The following CDH12 variants were observed in gnomAD, a reference collection of about 807,000 sequenced individuals.
The protein encoded by CDH12 is cadherin 12.
Under a neutral mutation model 74.1 loss-of-function variants are expected in CDH12, and 41 were observed. That is an observed-to-expected ratio of 0.55 (90% CI 0.43 to 0.72). CDH12 has a LOEUF of 0.72. CDH12 is among the 30% of genes least tolerant of loss of function. The pLI, the probability that CDH12 is intolerant of heterozygous loss-of-function variation, is 0.00. For missense variants in CDH12, 945 were observed against 977.2 expected, an observed-to-expected ratio of 0.97 and a Z score of 0.44; for synonymous variants, 399 against 355.0, an observed-to-expected ratio of 1.12 and a Z score of -1.39.
At chr5:22,422,700 CAAATTT>C (rs1743707646) in intron 2 of CDH12, among the ~76,000 whole-genome samples, 1 of 152,038 alleles carries the variant, frequency 6.6e-6, no homozygotes, top group Non-Finnish European at 1.5e-5. Context: ...GCCAAAAGCT[CAAATTT>C]TGTCATTGGC....
Position 21,999,775 on chromosome 5 carries a change from G to C in CDH12, c.232-24390C>G, listed in dbSNP as rs575894272. 3.1e-4 allele frequency among the ~76,000 whole-genome samples: 47 copies of C among 150,970 alleles called. No individual in the cohort carries two copies. The South Asian group carries it at 5.5e-3, about 18-fold the overall frequency. On this transcript the variant is annotated intron_variant, in intron 5 of 14. Coordinates refer to ENST00000382254, the MANE Select transcript of CDH12 (RefSeq NM_004061.5). ...AGTTTTATTTTTTAGAATTTATTTT[G>C]TATCTCTAGGTGGATATAATGTAGA...
chr5:22,299,214 C>A (rs1737759924), intron 3 of CDH12, among the ~76,000 whole-genome samples: 1 of 152,028 alleles, frequency 6.6e-6, no homozygotes, highest in South Asian at 2.1e-4. Flanking sequence ...AGTAAGGAAC[C>A]CAATGTAGTT....
chr5:22,578,773 T>C (rs914435813), intron 1 of CDH12, among the ~76,000 whole-genome samples: 1 of 152,124 alleles, frequency 6.6e-6, no homozygotes, highest in Non-Finnish European at 1.5e-5. Flanking sequence ...AAATATTGCC[T>C]GAATATGCGT....
rs117158551 is a variant in CDH12 at position 22,277,548 on chromosome 5, A to G, written c.-332-64905T>C. On this transcript the variant is annotated intron_variant, in intron 3 of 14. Transcript: ENST00000382254. ...CGTATGTTCTGATTAAAAAAAAACA[A>G]CAGGCCAGGCATGGTGGCTCACACC... is the stretch of plus-strand genomic sequence containing the variant. Among the ~76,000 whole-genome samples the G allele has an allele frequency of 2.2e-4, 33 of 152,164 alleles. 1 individual carries two copies. The East Asian group carries it at 5.6e-3, about 26-fold the overall frequency.
chr5:22,535,051 A>C (rs1461580596), intron 1 of CDH12, among the ~76,000 whole-genome samples: 16 of 147,446 alleles, frequency 1.1e-4, no homozygotes, highest in African/African-American at 7.5e-5. Context: ...CGCTCACTGC[A>C]AGCTTCGCCT....
chr5:22,012,111 T>C (rs1186980682), intron 5 of CDH12, among the ~76,000 whole-genome samples: 1 of 147,632 alleles, frequency 6.8e-6, no homozygotes, highest in African/African-American at 2.6e-5. Context: ...TTTTCTTTAA[T>C]TATTAACGAT....
At chr5:22,713,911 T>C (rs1561596814) in intron 1 of CDH12, among the ~76,000 whole-genome samples, 1 of 152,234 alleles carries the variant, frequency 6.6e-6, no homozygotes, top group Non-Finnish European at 1.5e-5. Flanking sequence ...AAAGTTATAC[T>C]ATATTCCCAT....
intron 11 of CDH12, among the ~76,000 whole-genome samples, chr5:21,777,545 C>A (rs1745660334): frequency 1.4e-5 from 2 of 146,198 alleles, no homozygotes; most frequent in Admixed American, 1.4e-4. Context: ...TTTTTTGAGA[C>A]AGAGTCTCAC....
At chr5:22,062,143 T>G (rs1050060287) in intron 5 of CDH12, among the ~76,000 whole-genome samples, 2 of 152,138 alleles carry the variant, frequency 1.3e-5, no homozygotes, top group Admixed American at 1.3e-4. Context: ...ATATATTGAT[T>G]TAAAGATAGT....
At chr5:22,099,563 A>C (rs1251618499) in intron 4 of CDH12, among the ~76,000 whole-genome samples, 2 of 152,040 alleles carry the variant, frequency 1.3e-5, no homozygotes, top group African/African-American at 4.8e-5. Flanking sequence ...ACTGTGCCCC[A>C]AGAAACTTGT....
intron 3 of CDH12, among the ~76,000 whole-genome samples, chr5:22,362,297 A>C (rs970265363): frequency 6.6e-6 from 1 of 152,230 alleles, no homozygotes; most frequent in African/African-American, 2.4e-5. Flanking sequence ...TCTCAAAAGA[A>C]GACATCTATG....
chr5:22,201,359 T>C (rs1750915047), intron 4 of CDH12, among the ~76,000 whole-genome samples: 1 of 152,156 alleles, frequency 6.6e-6, no homozygotes, highest in African/African-American at 2.4e-5. Context: ...AAGAATTAAA[T>C]CATGTCTTTT....
chr5:22,094,337 T>C (rs1485164814), intron 4 of CDH12, among the ~76,000 whole-genome samples: 1 of 152,230 alleles, frequency 6.6e-6, no homozygotes, highest in East Asian at 1.9e-4. Context: ...CAGAAATAGA[T>C]ACTATGCTGC....
intron 4 of CDH12, among the ~76,000 whole-genome samples, chr5:22,195,986 G>C (rs940026741): frequency 7.2e-5 from 11 of 151,838 alleles, no homozygotes; most frequent in Non-Finnish European, 1.3e-4. Context: ...ATTTAACCTA[G>C]ATGTTTACAT....
intron 5 of CDH12, among the ~76,000 whole-genome samples, chr5:22,069,260 A>T (rs1472994585): frequency 1.3e-5 from 2 of 152,124 alleles, no homozygotes; most frequent in Admixed American, 6.5e-5. Flanking sequence ...CCACCAGTCC[A>T]AAGCAGCTAG....
chr5:22,428,529 C>G (rs1169274856), intron 2 of CDH12, among the ~76,000 whole-genome samples: 1 of 151,738 alleles, frequency 6.6e-6, no homozygotes, highest in Non-Finnish European at 1.5e-5. Flanking sequence ...TGTGCTTTAC[C>G]TTAAAATTAT....
Position 22,071,007 on chromosome 5 carries a change from A to C in CDH12, c.231+7439T>G, listed in dbSNP as rs1741902671. Among the ~76,000 whole-genome samples the C allele has an allele frequency of 1.3e-5, 2 of 152,230 alleles. 1 individual carries two copies. The highest frequency in any genetic ancestry group is 4.1e-4 in the South Asian group (2 of 4,822). ...GATGGGGAGGGAGAGCATCAGGATAAATAGCTAATGCATGCAGGCCTTAAT... is the reference window on the plus strand; with the variant it reads ...GATGGGGAGGGAGAGCATCAGGATACATAGCTAATGCATGCAGGCCTTAAT... On this transcript the variant is annotated intron_variant, in intron 5 of 14. Coordinates refer to ENST00000382254, the MANE Select transcript of CDH12 (RefSeq NM_004061.5).
intron 1 of CDH12, among the ~76,000 whole-genome samples, chr5:22,618,062 G>C (rs951519788): frequency 2.6e-5 from 4 of 152,054 alleles, no homozygotes; most frequent in African/African-American, 7.2e-5. Context: ...AAGAATCTGA[G>C]CTAGTTTTTT....
intron 3 of CDH12, among the ~76,000 whole-genome samples, chr5:22,372,090 C>T (rs1422237395): frequency 6.6e-6 from 1 of 152,152 alleles, no homozygotes; most frequent in Non-Finnish European, 1.5e-5. Flanking sequence ...ACTAATAATG[C>T]TAGCTTAGTT....
Sources: allele counts gnomAD v4.1 joint callset (sites outside exome capture counted in the v4.1 genomes callset), GRCh38; gene constraint gnomAD v4.1.1; transcripts MANE v1.5; gene names NCBI Gene and HGNC (gene_info 2026-07-23, HGNC 2026-07-21).